The following SYF2 variants were observed in gnomAD, a reference collection of about 807,000 sequenced individuals.
SYF2 encodes the protein pre-mRNA-splicing factor SYF2.
A neutral mutation model predicts 32.7 loss-of-function variants in SYF2; 21 were observed. The ratio of observed to expected loss-of-function variants is 0.64; its 90% CI spans 0.45 to 0.92. SYF2 has a LOEUF of 0.92. SYF2 is among the 40% of genes least tolerant of loss of function. SYF2 has a pLI of 0.00. For synonymous variants in SYF2, 114 were observed against 103.9 expected, an observed-to-expected ratio of 1.10 and a Z score of -0.59; for missense variants, 278 against 296.5, an observed-to-expected ratio of 0.94 and a Z score of 0.46.
At chr1:25,228,341 T>C (rs1638556274) in intron 3 of SYF2, 106 bp from the exon 4 acceptor site, 7 of 1,022,528 alleles carry the variant, frequency 6.8e-6, no homozygotes, top group East Asian at 4.8e-5. Flanking sequence ...ACTTTAATAG[T>C]ATTTTTTTAG....
chr1:25,230,933 T>C (rs1158496251), intron 2 of SYF2: 1 of 151,472 alleles, frequency 6.6e-6, no homozygotes, highest in African/African-American at 2.4e-5. Flanking sequence ...GCCATTCTCC[T>C]GCCTCAGCCT....
chr1:25,231,737 C>G (rs1231486073), intron 2 of SYF2: 48 of 240,480 alleles, frequency 2.0e-4, no homozygotes, highest in Non-Finnish European at 2.5e-5. Flanking sequence ...TGAACCAGGT[C>G]TCTTACTGAC....
intron 5 of SYF2, among the ~76,000 whole-genome samples, chr1:25,225,302 C>A (rs552646576): frequency 3.3e-5 from 5 of 151,758 alleles, no homozygotes; most frequent in Non-Finnish European, 7.4e-5. Context: ...CCAAGGCAGG[C>A]GGATCGTTTG....
chr1:25,225,930 C>T (rs1237477273), intron 5 of SYF2, among the ~76,000 whole-genome samples: 1 of 149,974 alleles, frequency 6.7e-6, no homozygotes, highest in Admixed American at 6.7e-5. Context: ...CCAAGGTGGG[C>T]ACATCACCTG....
chr1:25,232,183 G>A lies in SYF2; in HGVS notation c.53C>T (p.Ser18Phe). Residue 18 changes from serine to phenylalanine, a missense_variant, in exon 2 of 7, where the codon TCC becomes TTC. Coordinates refer to ENST00000236273, the MANE Select transcript of SYF2 (RefSeq NM_015484.5). ...GGCCAGCTCCGCCGCCGCAGCGAGG[G>A]ACCCCTCCTCCGCGCTGTCCACCAG... is the stretch of plus-strand genomic sequence containing the variant. ...EVLVDSAEEG[S>F]LAAAAELAAQ... 6.2e-7 allele frequency: 1 copy of A among 1,613,872 alleles called. No homozygotes were observed. The highest frequency in any genetic ancestry group is 8.5e-7 in the Non-Finnish European group (1 of 1,179,994).
chr1:25,232,131 G>A lies in SYF2; in HGVS notation c.105C>T (p.Arg35=), dbSNP rs35782398. Reference sequence around the variant, plus strand: ...GCATCAGGTGCAGCTCCCGGAATTTGCGCAGTCTCTGTTCGCGCTTCTGAG... The same window carrying A: ...GCATCAGGTGCAGCTCCCGGAATTTACGCAGTCTCTGTTCGCGCTTCTGAG... ...LAAQKREQRL[R]KFRELHLMRN... Residue 35 remains arginine, a synonymous_variant, in exon 2 of 7, where the codon CGC becomes CGT. Coordinates refer to ENST00000236273, the MANE Select transcript of SYF2 (RefSeq NM_015484.5). 477 of 1,614,030 alleles carry A rather than the reference G, an allele frequency of 3.0e-4. 1 individual carries two copies. Among genetic ancestry groups the A allele is most frequent in the African/African-American group, 2.3e-3 (172 of 75,044 alleles).
At chr1:25,228,276 A>G (rs960180155) in intron 3 of SYF2, 41 bp from the exon 4 acceptor site, 4 of 1,451,742 alleles carry the variant, frequency 2.8e-6, no homozygotes, top group Non-Finnish European at 3.8e-6. Context: ...ATTATGATAC[A>G]TGCAATAATT....
At chr1:25,229,315 A>T (rs984279838) in intron 2 of SYF2, among the ~76,000 whole-genome samples, 192 bp from the exon 3 acceptor site, 120 of 152,222 alleles carry the variant, frequency 7.9e-4, no homozygotes, top group African/African-American at 2.9e-3. Flanking sequence ...TTATGCAGTC[A>T]AGAAAAATGT....
intron 2 of SYF2, 23 bp from the exon 3 acceptor site, chr1:25,229,146 C>T: frequency 6.2e-7 from 1 of 1,606,068 alleles, no homozygotes; most frequent in East Asian, 2.2e-5. Flanking sequence ...CACAAGAAGT[C>T]TGTCAGCTAA....
intron 3 of SYF2, among the ~76,000 whole-genome samples, chr1:25,228,587 G>A (rs1462878298): frequency 6.6e-6 from 1 of 152,024 alleles, no homozygotes; most frequent in Admixed American, 6.6e-5. Context: ...TGCCAGCCTC[G>A]GCCTCCCAAA....
chr1:25,232,224 G>T lies in SYF2; in HGVS notation c.25-13C>A, dbSNP rs1456989492. On this transcript the variant is annotated splice_polypyrimidine_tract_variant and intron_variant, in intron 1 of 6. Transcript: ENST00000236273. ...TGTCCACCAGCACCTGCGACAAGGA[G>T]AACTGGCTTCAGGCAGAGCCGGCTC... 6.2e-7 allele frequency: 1 copy of T among 1,611,400 alleles called. No homozygotes were observed. Among genetic ancestry groups the T allele is most frequent in the African/African-American group, 1.3e-5 (1 of 74,910 alleles).
rs372716810 is a variant in SYF2, at chr1:25,232,447, G to C, written c.21C>G (p.Ser7=). The C allele has an allele frequency of 1.9e-6, 3 of 1,614,026 alleles. No homozygotes were observed. The highest frequency in any genetic ancestry group is 2.7e-5 in the African/African-American group (2 of 74,898). The part of the protein sequence containing the change: MAAIAA[S]EVLVDSAEEG... Reference sequence around the variant, plus strand: ...GTGTACGGTGGGTGGAACTCACCTCGGATGCAGCTATAGCCGCCATCACAA... The same window carrying C: ...GTGTACGGTGGGTGGAACTCACCTCCGATGCAGCTATAGCCGCCATCACAA... Residue 7 remains serine, a synonymous_variant, in exon 1 of 7, where the codon TCC becomes TCG. Coordinates refer to ENST00000236273, the MANE Select transcript of SYF2 (RefSeq NM_015484.5).
chr1:25,227,386 T>C, intron 5 of SYF2, 56 bp downstream of exon 5: 4 of 1,326,944 alleles, frequency 3.0e-6, no homozygotes, highest in South Asian at 1.2e-5. Context: ...TGTACATGTA[T>C]ACACACACAC....
intron 2 of SYF2, chr1:25,231,592 C>T (rs1457442221): frequency 1.8e-5 from 3 of 166,920 alleles, no homozygotes; most frequent in Non-Finnish European, 3.9e-5. Flanking sequence ...GGCTGAACTA[C>T]CACACTGTAG....
At chr1:25,228,084 C>A (rs1184368487) in intron 4 of SYF2, 34 bp downstream of exon 4, 1 of 1,515,120 alleles carries the variant, frequency 6.6e-7, no homozygotes, top group South Asian at 1.1e-5. Flanking sequence ...GACTAACAGC[C>A]CAGTCAATAA....
chr1:25,229,047 G>A lies in SYF2; in HGVS notation c.209C>T (p.Ala70Val). Residue 70 changes from alanine (A) to valine (V), a missense_variant, in exon 3 of 7, where the codon GCC (alanine) becomes GTC (valine). Physicochemically the swap from Ala to Val is moderately conservative, Grantham distance 64. Transcript: ENST00000236273. The stretch of plus-strand genomic sequence containing the variant: ...TTCCCACTCCAAACGAGCTTTTTTG[G>A]CTTCCCAATTTGCAGGTAATTTTAG... ...KRLKLPANWEAKKARLEWELK... is the reference protein window; with the variant it reads ...KRLKLPANWEVKKARLEWELK... The A allele has an allele frequency of 6.2e-7, 1 of 1,612,856 alleles. No homozygotes were observed. The highest frequency in any genetic ancestry group is 8.5e-7 in the Non-Finnish European group (1 of 1,179,442).
intron 5 of SYF2, among the ~76,000 whole-genome samples, chr1:25,226,476 C>T (rs76266052): frequency 0.012 from 1,808 of 152,332 alleles, 34 homozygotes; most frequent in African/African-American, 0.041. Context: ...CTATATGGCC[C>T]ACAAAGCTAA....
At position 25,227,648 on chromosome 1, in the gene SYF2, G is replaced by A. The variant is rs41302026; in HGVS notation, c.377-116C>T. 4.2e-3 allele frequency: 3,689 copies of A among 881,020 alleles called. 13 individuals are homozygous for A. Among genetic ancestry groups the A allele is most frequent in the Non-Finnish European group, 5.2e-3 (3,083 of 588,944 alleles). 54.6% of individuals were successfully genotyped at this position (881,020 alleles called of 1,614,324 possible). On this transcript the variant is annotated intron_variant, in intron 4 of 6. Transcript: ENST00000236273. ...TCTTTTATCCAAAACGCTTGGAATCGGAAGTGTTTCTGATTTTTTTCAGAT... is the reference window on the plus strand; with the variant it reads ...TCTTTTATCCAAAACGCTTGGAATCAGAAGTGTTTCTGATTTTTTTCAGAT...
intron 2 of SYF2, among the ~76,000 whole-genome samples, chr1:25,229,603 C>T (rs1443478931): frequency 2.0e-5 from 3 of 151,908 alleles, no homozygotes; most frequent in Non-Finnish European, 2.9e-5. Context: ...GGTGAAACCC[C>T]GTCTCTACTA....
Sources: gnomAD v4.1 joint callset for allele counts (sites outside exome capture counted in the v4.1 genomes callset) on GRCh38, gnomAD v4.1.1 for gene constraint, MANE v1.5 for transcripts, NCBI Gene and HGNC (gene_info 2026-07-23, HGNC 2026-07-21) for gene names.